LPP: variants seen among roughly 807,000 people sequenced by gnomAD.
The protein encoded by LPP is LIM domain containing preferred translocation partner in lipoma, also known as lipoma-preferred partner.
LPP carries 38 observed loss-of-function variants against 60.4 expected under a neutral mutation model. The observed-to-expected ratio is 0.63, with a 90% confidence interval of 0.49 to 0.83. The LOEUF (loss-of-function observed/expected upper bound fraction) is 0.83. Among genes scored for constraint, LPP ranks in the 40% least tolerant of loss-of-function variants. The pLI, the probability that LPP is intolerant of heterozygous loss-of-function variation, is 0.00. For missense variants in LPP, 902 were observed against 783.6 expected (o/e 1.15, Z -1.80); for synonymous variants, 328 against 290.8 (o/e 1.13, Z -1.30).
At chr3:188,805,014 G>A (rs1748652058) in intron 9 of LPP, among the ~76,000 whole-genome samples, 1 of 151,978 alleles carries the variant, frequency 6.6e-6, no homozygotes, top group Non-Finnish European at 1.5e-5. Context: ...ATTTTTAAAT[G>A]TTGTATCAGC....
intron 9 of LPP, among the ~76,000 whole-genome samples, chr3:188,845,892 A>G (rs1437778025): frequency 2.0e-5 from 3 of 152,210 alleles, no homozygotes; most frequent in Non-Finnish European, 4.4e-5. Flanking sequence ...TAAGGAAAAC[A>G]CTAATAATTA....
chr3:188,404,504 A>G (rs1004553118), intron 3 of LPP, among the ~76,000 whole-genome samples: 9 of 152,270 alleles, frequency 5.9e-5, no homozygotes, highest in Admixed American at 5.2e-4. Context: ...CTTGGCCTCC[A>G]AAGTGCTCGG....
chr3:188,478,795 G>A (rs59631460), intron 4 of LPP, among the ~76,000 whole-genome samples: 5,119 of 151,584 alleles, frequency 0.034, 291 homozygotes, highest in African/African-American at 0.12. Context: ...TTGCTCTGTC[G>A]CCTAGGCTGG....
intron 7 of LPP, among the ~76,000 whole-genome samples, chr3:188,679,916 G>C (rs1483733174): frequency 6.6e-6 from 1 of 152,054 alleles, no homozygotes; most frequent in Non-Finnish European, 1.5e-5. Context: ...CATCTCTGCT[G>C]TCACTGTGCT....
chr3:188,387,854 C>T (rs910524322), intron 3 of LPP, among the ~76,000 whole-genome samples: 1 of 152,204 alleles, frequency 6.6e-6, no homozygotes, highest in African/African-American at 2.4e-5. Flanking sequence ...CATGAGCCAC[C>T]CTGCCCGGCC....
At chr3:188,754,528 A>AC (rs1423679402) in intron 8 of LPP, among the ~76,000 whole-genome samples, 1 of 152,214 alleles carries the variant, frequency 6.6e-6, no homozygotes, top group East Asian at 1.9e-4. Context: ...AGAAATAGGC[A>AC]CCCCCAGAAC....
rs564971776 is a variant in LPP, at chr3:188,311,729, C to T, written c.-66-29934C>T. ...TGTTGGCTCACTGCAACCTCCATGTCCCGAATTCAAGCGATTCTCCTGCCT... is the reference window on the plus strand; with the variant it reads ...TGTTGGCTCACTGCAACCTCCATGTTCCGAATTCAAGCGATTCTCCTGCCT... On this transcript the variant is annotated intron_variant, in intron 2 of 11. Transcript: ENST00000617246. Among the ~76,000 whole-genome samples the T allele has an allele frequency of 2.6e-5, 4 of 152,022 alleles. No homozygotes were observed. In the South Asian group the frequency reaches 8.3e-4, roughly 32 times the overall value.
intron 4 of LPP, among the ~76,000 whole-genome samples, chr3:188,417,006 C>T (rs1786474340): frequency 6.6e-6 from 1 of 151,950 alleles, no homozygotes; most frequent in South Asian, 2.1e-4. Context: ...ACCTAAAGAA[C>T]TTAAAAAAAA....
intron 2 of LPP, among the ~76,000 whole-genome samples, chr3:188,275,498 G>T (rs560804171): frequency 6.6e-6 from 1 of 151,990 alleles, no homozygotes; most frequent in Non-Finnish European, 1.5e-5. Flanking sequence ...TAGCTGGGAC[G>T]GTGGGTGTGC....
chr3:188,699,131 A>G (rs528325218), intron 7 of LPP, among the ~76,000 whole-genome samples: 3 of 152,360 alleles, frequency 2.0e-5, no homozygotes, highest in East Asian at 1.9e-4. Context: ...CAGTTTATAT[A>G]TGAGAAAATC....
At chr3:188,347,135 TA>T (rs1172344100) in intron 3 of LPP, among the ~76,000 whole-genome samples, 3 of 152,194 alleles carry the variant, frequency 2.0e-5, no homozygotes, top group Admixed American at 6.5e-5. Context: ...AATCTGGATT[TA>T]AATCCGGATT....
intron 9 of LPP, among the ~76,000 whole-genome samples, chr3:188,783,433 C>T (rs775942338): frequency 6.6e-6 from 1 of 152,164 alleles, no homozygotes; most frequent in African/African-American, 2.4e-5. Flanking sequence ...AGGCCATTAT[C>T]CTTAGCAAAG....
intron 3 of LPP, among the ~76,000 whole-genome samples, chr3:188,365,859 A>G (rs909141519): frequency 2.4e-4 from 36 of 152,164 alleles, no homozygotes. Context: ...AGTCAAGCTA[A>G]TTAACATAGG....
chr3:188,654,532 T>TTG (rs147173152), intron 7 of LPP, among the ~76,000 whole-genome samples: 291 of 150,596 alleles, frequency 1.9e-3, no homozygotes, highest in African/African-American at 4.8e-3. Context: ...TTTCTCTGTG[T>TTG]TGTGTGTGTG....
intron 3 of LPP, among the ~76,000 whole-genome samples, chr3:188,378,842 G>T (rs1006215519): frequency 6.6e-6 from 1 of 152,166 alleles, no homozygotes; most frequent in African/African-American, 2.4e-5. Flanking sequence ...TTCCTATTCG[G>T]CCATCTTGGC....
intron 4 of LPP, among the ~76,000 whole-genome samples, chr3:188,420,104 A>C (rs1346506358): frequency 6.6e-6 from 1 of 152,048 alleles, no homozygotes; most frequent in East Asian, 1.9e-4. Flanking sequence ...CTGATTATAA[A>C]ATTTTAATTA....
chr3:188,658,436 A>G (rs1457060949), intron 7 of LPP, among the ~76,000 whole-genome samples: 1 of 152,010 alleles, frequency 6.6e-6, no homozygotes, highest in Non-Finnish European at 1.5e-5. Context: ...TTAAACTAAT[A>G]CATGCAACTG....
At chr3:188,380,133 C>G (rs920754830) in intron 3 of LPP, among the ~76,000 whole-genome samples, 2 of 152,318 alleles carry the variant, frequency 1.3e-5, no homozygotes, top group East Asian at 3.9e-4. Flanking sequence ...ACAACTCCCT[C>G]CCAAGTACTT....
At chr3:188,317,188 T>C (rs1198551296) in intron 2 of LPP, among the ~76,000 whole-genome samples, 1 of 152,210 alleles carries the variant, frequency 6.6e-6, no homozygotes, top group Non-Finnish European at 1.5e-5. Flanking sequence ...AAGATATTTC[T>C]GCTAATCGTT....
Sources: allele counts gnomAD v4.1 joint callset (sites outside exome capture counted in the v4.1 genomes callset), GRCh38; gene constraint gnomAD v4.1.1; transcripts MANE v1.5; gene names NCBI Gene and HGNC (gene_info 2026-07-23, HGNC 2026-07-21).